Variants in KIAA1217 observed in about 807,000 individuals in gnomAD.
KIAA1217 encodes the protein sickle tail protein homolog.
Under a neutral mutation model 163.9 loss-of-function variants are expected in KIAA1217, and 88 were observed. The ratio of observed to expected loss-of-function variants is 0.54; its 90% confidence interval spans 0.45 to 0.64. The LOEUF (loss-of-function observed/expected upper bound fraction) is 0.64. Ranked by LOEUF, KIAA1217 falls within the 30% of genes least tolerant of loss-of-function variation. The pLI is 0.00. For missense variants in KIAA1217, 2,372 were observed against 2,475.0 expected, an observed-to-expected ratio of 0.96 and a Z score of 0.88; for synonymous variants, 903 against 923.1, an observed-to-expected ratio of 0.98 and a Z score of 0.39.
intron 1 of KIAA1217, among the ~76,000 whole-genome samples, chr10:23,984,113 A>G (rs1044441080): frequency 1.3e-5 from 2 of 152,202 alleles, no homozygotes; most frequent in African/African-American, 2.4e-5. Flanking sequence ...TTCTTTGATT[A>G]CATCTAGTTC....
rs1836595215 is a variant in KIAA1217, at chr10:23,803,753, T to C, written c.-321+108519T>C. Reference sequence around the variant, plus strand: ...TGTAGGATATCTATTAAGTAAACTATTAGTGCCTAGGTCTTTTTTGTTGCA... The same window carrying C: ...TGTAGGATATCTATTAAGTAAACTACTAGTGCCTAGGTCTTTTTTGTTGCA... On this transcript the variant is annotated intron_variant, in intron 1 of 18. Transcript: ENST00000376462. 2.6e-5 allele frequency among the ~76,000 whole-genome samples: 4 copies of C among 152,236 alleles called. No homozygotes were observed. The South Asian group carries it at 8.3e-4, about 31-fold the overall frequency.
chr10:24,357,690 AGG>A (rs1450343481), intron 2 of KIAA1217, among the ~76,000 whole-genome samples: 2 of 152,204 alleles, frequency 1.3e-5, no homozygotes, highest in Non-Finnish European at 2.9e-5. Flanking sequence ...GTTCCAAGGA[AGG>A]GGCGTTTTAG....
chr10:24,192,045 C>T (rs1375686986), intron 2 of KIAA1217, among the ~76,000 whole-genome samples: 6 of 152,128 alleles, frequency 3.9e-5, no homozygotes, highest in Admixed American at 1.3e-4. Context: ...CTCCCAACCA[C>T]GGATTTACTT....
intron 2 of KIAA1217, among the ~76,000 whole-genome samples, chr10:24,016,578 T>C (rs1847487640): frequency 6.6e-6 from 1 of 152,162 alleles, no homozygotes; most frequent in Non-Finnish European, 1.5e-5. Context: ...CTAAGCTTCT[T>C]ATGTTTAATA....
intron 2 of KIAA1217, among the ~76,000 whole-genome samples, chr10:24,076,275 A>C (rs1216512552): frequency 6.6e-6 from 1 of 152,230 alleles, no homozygotes; most frequent in Non-Finnish European, 1.5e-5. Context: ...CTGAACGCTC[A>C]GTATCTAGTG....
chr10:23,890,522 G>A (rs1377841089), intron 1 of KIAA1217, among the ~76,000 whole-genome samples: 1 of 151,904 alleles, frequency 6.6e-6, no homozygotes, highest in East Asian at 1.9e-4. Context: ...ATTTAAAAGT[G>A]TATTGGTAAA....
At position 23,780,287 on chromosome 10, in the gene KIAA1217, A is replaced by T. The variant is rs151130921; in HGVS notation, c.-321+85053A>T. On this transcript the variant is annotated intron_variant, in intron 1 of 18. Coordinates refer to the KIAA1217 transcript ENST00000376462. ...TTTTTGTGTGTGTTAAGGCACCTAA[A>T]ATCTACTCTCTTAGCAAATTTCCAG... Among the ~76,000 whole-genome samples, 14 of 152,246 alleles carry T rather than the reference A, an allele frequency of 9.2e-5. No individual in the cohort carries two copies. In the East Asian group the frequency reaches 2.7e-3, roughly 29 times the overall value.
intron 2 of KIAA1217, among the ~76,000 whole-genome samples, chr10:24,045,719 T>G (rs1006413900): frequency 1.3e-5 from 2 of 152,216 alleles, no homozygotes; most frequent in African/African-American, 4.8e-5. Flanking sequence ...GTGCTTCATT[T>G]ACCTAATGTA....
At chr10:24,317,197 A>T (rs1227904774) in intron 2 of KIAA1217, among the ~76,000 whole-genome samples, 1 of 152,182 alleles carries the variant, frequency 6.6e-6, no homozygotes, top group Non-Finnish European at 1.5e-5. Flanking sequence ...TTCAATGTAT[A>T]CCTAATATCT....
chr10:24,104,770 G>A lies in KIAA1217; in HGVS notation c.-171+97396G>A, dbSNP rs190902862. ...CACATGTAGGGACAAAAAGTAGACGGTGACTTTCTGGATTTTCTGCTCAAT... is the reference window on the plus strand; with the variant it reads ...CACATGTAGGGACAAAAAGTAGACGATGACTTTCTGGATTTTCTGCTCAAT... On this transcript the variant is annotated intron_variant, in intron 2 of 18. Transcript: ENST00000376462. 4.1e-3 allele frequency among the ~76,000 whole-genome samples: 630 copies of A among 152,292 alleles called. 3 individuals are homozygous for A. Among genetic ancestry groups the A allele is most frequent in the African/African-American group, 0.014 (600 of 41,552 alleles).
At chr10:23,697,936 A>G (rs1352734947) in intron 1 of KIAA1217, among the ~76,000 whole-genome samples, 2 of 151,756 alleles carry the variant, frequency 1.3e-5, no homozygotes, top group African/African-American at 2.4e-5. Flanking sequence ...TTCAGTGTTT[A>G]TCAATGATAA....
chr10:24,366,746 G>C (rs1178265431), intron 2 of KIAA1217, among the ~76,000 whole-genome samples: 3 of 152,214 alleles, frequency 2.0e-5, no homozygotes, highest in African/African-American at 7.2e-5. Context: ...GGCAGCCTCA[G>C]ACTGCATTCT....
At chr10:24,169,034 A>T (rs529203558) in intron 2 of KIAA1217, among the ~76,000 whole-genome samples, 4 of 152,230 alleles carry the variant, frequency 2.6e-5, no homozygotes, top group Admixed American at 6.5e-5. Context: ...GGACCTGGAG[A>T]ACCAGGCAGG....
chr10:24,310,535 G>T (rs1209420784), intron 2 of KIAA1217, among the ~76,000 whole-genome samples: 1 of 152,160 alleles, frequency 6.6e-6, no homozygotes, highest in East Asian at 1.9e-4. Context: ...GGAAACAAAA[G>T]TTATATATTT....
intron 3 of KIAA1217, among the ~76,000 whole-genome samples, chr10:24,400,952 G>C (rs2056452018): frequency 9.8e-6 from 1 of 101,582 alleles, no homozygotes; most frequent in African/African-American, 1.0e-4. Context: ...AAAATTCCAA[G>C]CAAGAAACAT....
intron 2 of KIAA1217, among the ~76,000 whole-genome samples, chr10:24,300,974 G>A (rs184299163): frequency 1.4e-4 from 22 of 151,926 alleles, no homozygotes; most frequent in Admixed American, 1.1e-3. Context: ...CACCACGCCC[G>A]GCTGATTTTT....
At chr10:24,065,510 G>C (rs1287391072) in intron 2 of KIAA1217, among the ~76,000 whole-genome samples, 3 of 152,202 alleles carry the variant, frequency 2.0e-5, no homozygotes, top group African/African-American at 7.2e-5. Flanking sequence ...CTGAGAGACA[G>C]TTTGTTATAA....
At chr10:24,522,466 C>A (rs1445273689) in intron 12 of KIAA1217, among the ~76,000 whole-genome samples, 1 of 152,188 alleles carries the variant, frequency 6.6e-6, no homozygotes, top group Non-Finnish European at 1.5e-5. Context: ...TAAACAAAGT[C>A]TTTCTTAAAT....
intron 2 of KIAA1217, among the ~76,000 whole-genome samples, chr10:24,120,862 G>T (rs1200933594): frequency 6.6e-6 from 1 of 152,182 alleles, no homozygotes; most frequent in African/African-American, 2.4e-5. Flanking sequence ...GCCACATCCT[G>T]TGGTACAAGG....
Sources: gnomAD v4.1 joint callset for allele counts (sites outside exome capture counted in the v4.1 genomes callset) on GRCh38, gnomAD v4.1.1 for gene constraint, MANE v1.5 for transcripts, NCBI Gene and HGNC (gene_info 2026-07-23, HGNC 2026-07-21) for gene names.